Variants in PDE6C observed in about 807,000 individuals in gnomAD.
The protein encoded by PDE6C is cone cGMP-specific 3',5'-cyclic phosphodiesterase subunit alpha'.
Under a neutral mutation model 113.1 loss-of-function variants are expected in PDE6C, and 75 were observed. The ratio of observed to expected loss-of-function variants is 0.66; its 90% CI spans 0.55 to 0.80. The LOEUF is 0.80. Ranked by LOEUF, PDE6C falls within the 30% of genes least tolerant of loss-of-function variation. The probability of loss-of-function intolerance (pLI) is 0.00; values close to 1 mark genes in which losing one functional copy is unlikely to be tolerated. For synonymous variants in PDE6C, 375 were observed against 363.7 expected (o/e 1.03, Z -0.35); for missense variants, 912 against 1,038.6 (o/e 0.88, Z 1.67).
At chr10:93,636,366 CTTTGTGTGTGTGTGTGTG>C (rs2058530076) in intron 10 of PDE6C, among the ~76,000 whole-genome samples, 1 of 90,610 alleles carries the variant, frequency 1.1e-5, no homozygotes, top group Non-Finnish European at 2.2e-5. Context: ...ATTTCCCTGG[CTTTGTGTGTGTGTGTGTG>C]TGTGTGTGTG....
At position 93,640,433 on chromosome 10, in the gene PDE6C, G is replaced by A; in HGVS notation, c.1630-17G>A. ...AGAATTCTATTCCAAAGTCTGAATGGTGTCATCTTCTTTTAGGTTCTTACC... is the reference window on the plus strand; with the variant it reads ...AGAATTCTATTCCAAAGTCTGAATGATGTCATCTTCTTTTAGGTTCTTACC... On this transcript the variant is annotated splice_polypyrimidine_tract_variant and intron_variant, in intron 12 of 21. Coordinates refer to ENST00000371447, the MANE Select transcript of PDE6C (RefSeq NM_006204.4). 1 of 1,558,618 alleles carries A rather than the reference G, an allele frequency of 6.4e-7. No homozygotes were observed. Among genetic ancestry groups the A allele is most frequent in the Non-Finnish European group, 8.9e-7 (1 of 1,129,616 alleles).
At chr10:93,642,392 G>A (rs2058564194) in intron 14 of PDE6C, among the ~76,000 whole-genome samples, 2 of 151,830 alleles carry the variant, frequency 1.3e-5, no homozygotes, top group South Asian at 2.1e-4. Flanking sequence ...TAAACTTCAG[G>A]TATTATTATG....
At chr10:93,622,207 G>T in intron 4 of PDE6C, 135 bp downstream of exon 4, 3 of 983,482 alleles carry the variant, frequency 3.1e-6, no homozygotes, top group Middle Eastern at 2.1e-4. Flanking sequence ...AGAGGTAAAA[G>T]TGTGTGTCTT....
intron 5 of PDE6C, among the ~76,000 whole-genome samples, chr10:93,626,214 G>C (rs1335478910): frequency 6.6e-6 from 1 of 152,180 alleles, no homozygotes; most frequent in Non-Finnish European, 1.5e-5. Context: ...GATGAAAGGA[G>C]GGTACGGGTC....
chr10:93,653,683 A>AAACAC (rs2058620183), intron 15 of PDE6C, among the ~76,000 whole-genome samples: 1 of 147,398 alleles, frequency 6.8e-6, no homozygotes, highest in African/African-American at 2.7e-5. Context: ...AAAACAAAAA[A>AAACAC]AAACATTGAT....
In PDE6C at chr10:93,665,364, T is replaced by TGAA. The variant is rs745669058; in HGVS notation, c.2526_2528dup (p.Glu842dup). ...TGCTTTCCTTGATTTTACTAGCTGC[T>TGAA]GAAGATTCAGGAGGTGGTGATGACA... is the stretch of plus-strand genomic sequence containing the variant. On this transcript the variant is annotated inframe_insertion, in exon 22 of 22. Coordinates refer to ENST00000371447, the MANE Select transcript of PDE6C (RefSeq NM_006204.4). 1 of 1,608,850 alleles carries TGAA rather than the reference T, an allele frequency of 6.2e-7. No individual in the cohort carries two copies. The highest frequency in any genetic ancestry group is 8.5e-7 in the Non-Finnish European group (1 of 1,175,318).
chr10:93,636,377 T>TGTGTGTG (rs2058530624), intron 10 of PDE6C, among the ~76,000 whole-genome samples: 1 of 147,294 alleles, frequency 6.8e-6, no homozygotes, highest in Non-Finnish European at 1.5e-5. Context: ...TTTGTGTGTG[T>TGTGTGTG]GTGTGTGTGT....
At chr10:93,651,914 G>A (rs75669066) in intron 15 of PDE6C, among the ~76,000 whole-genome samples, 1,574 of 152,172 alleles carry the variant, frequency 0.01, 16 homozygotes, top group African/African-American at 0.036. Context: ...TCTCCTGTGC[G>A]CTGGGCACAT....
rs558650382 is a variant in PDE6C at position 93,639,943 on chromosome 10, G to T, written c.1483-127G>T. 1.4e-5 allele frequency: 13 copies of T among 938,400 alleles called. No homozygotes were observed. In the African/African-American group the frequency reaches 1.9e-4, roughly 14 times the overall value. 58.1% of individuals were successfully genotyped at this position (938,400 alleles called of 1,614,324 possible). Reference sequence around the variant, plus strand: ...CTGCATCATCCAGTGCCTGGCACATGGTGGTTCAGTGAATCACACATTGTG... The same window carrying T: ...CTGCATCATCCAGTGCCTGGCACATTGTGGTTCAGTGAATCACACATTGTG... On this transcript the variant is annotated intron_variant, in intron 11 of 21. Transcript: ENST00000371447.
rs1456539046 is a variant in PDE6C, at chr10:93,634,964, A to G, written c.1269+57A>G. 9.0e-6 allele frequency: 14 copies of G among 1,551,906 alleles called. No homozygotes were observed. In the Admixed American group the frequency reaches 2.2e-4, roughly 24 times the overall value. ...TGCAATTCACAAAATAAGAGAGGGC[A>G]CGTAATTATTTGTTATTCTGGAATG... On this transcript the variant is annotated intron_variant, in intron 9 of 21. Transcript: ENST00000371447.
chr10:93,618,985 A>G (rs1342505432), intron 1 of PDE6C, among the ~76,000 whole-genome samples: 1 of 152,238 alleles, frequency 6.6e-6, no homozygotes, highest in Non-Finnish European at 1.5e-5. Context: ...TACCGCACTA[A>G]TTTTGGCCAA....
At chr10:93,637,915 T>A (rs1365933007) in intron 11 of PDE6C, among the ~76,000 whole-genome samples, 1 of 152,102 alleles carries the variant, frequency 6.6e-6, no homozygotes, top group African/African-American at 2.4e-5. Context: ...TGAGTGATAT[T>A]ATCCTTCTGC....
intron 15 of PDE6C, among the ~76,000 whole-genome samples, chr10:93,649,766 G>A (rs896579015): frequency 3.3e-5 from 5 of 152,018 alleles, no homozygotes; most frequent in Middle Eastern, 3.4e-3. Flanking sequence ...CACCACTCCC[G>A]GTTAATTTTT....
chr10:93,616,423 T>C (rs900186644), intron 1 of PDE6C, among the ~76,000 whole-genome samples: 1 of 152,186 alleles, frequency 6.6e-6, no homozygotes, highest in Non-Finnish European at 1.5e-5. Flanking sequence ...TGAAGATCCA[T>C]GTCTGTGACG....
chr10:93,664,546 T>TAAG (rs1433367987), intron 21 of PDE6C, among the ~76,000 whole-genome samples: 1 of 152,216 alleles, frequency 6.6e-6, no homozygotes, highest in East Asian at 1.9e-4. Context: ...TTCAAAACAA[T>TAAG]AAGTGATTTT....
chr10:93,663,365 T>C (rs79344764), intron 21 of PDE6C, among the ~76,000 whole-genome samples, 187 bp downstream of exon 21: 2,216 of 152,272 alleles, frequency 0.015, 55 homozygotes, highest in African/African-American at 0.05. Context: ...CAACATCTTA[T>C]GTATAACTCC....
At chr10:93,658,537 C>A (rs890438255) in intron 16 of PDE6C, among the ~76,000 whole-genome samples, 25 of 152,080 alleles carry the variant, frequency 1.6e-4, no homozygotes, top group African/African-American at 5.8e-4. Context: ...TTTAAAACTC[C>A]CGGCTTCAAG....
chr10:93,656,141 T>C (rs1165015762), intron 16 of PDE6C, among the ~76,000 whole-genome samples: 1 of 152,234 alleles, frequency 6.6e-6, no homozygotes, highest in African/African-American at 2.4e-5. Context: ...CAGGTTTGAA[T>C]TGCAGAATGT....
chr10:93,658,493 A>G (rs1349713901), intron 16 of PDE6C, among the ~76,000 whole-genome samples: 3 of 151,934 alleles, frequency 2.0e-5, no homozygotes, highest in Admixed American at 1.3e-4. Context: ...TTCATTTTTA[A>G]AGAGACAGGG....
Sources: gnomAD v4.1 joint callset for allele counts (sites outside exome capture counted in the v4.1 genomes callset) on GRCh38, gnomAD v4.1.1 for gene constraint, MANE v1.5 for transcripts, NCBI Gene and HGNC (gene_info 2026-07-23, HGNC 2026-07-21) for gene names.